BANK1: variants seen among roughly 807,000 people sequenced by gnomAD.
The protein encoded by BANK1 is B cell scaffold protein with ankyrin repeats 1.
BANK1 carries 95 observed loss-of-function variants against 94.5 expected under a neutral mutation model. The observed-to-expected ratio is 1.00, with a 90% CI of 0.85 to 1.19. BANK1 has a LOEUF of 1.19. BANK1 is among the 50% of genes most tolerant of loss of function. The pLI is 0.00. For missense variants in BANK1, 987 were observed against 932.2 expected (o/e 1.06, Z -0.77); for synonymous variants, 334 against 308.4 (o/e 1.08, Z -0.87).
chr4:102,052,181 G>C (rs1283323726), intron 11 of BANK1, among the ~76,000 whole-genome samples: 1 of 139,604 alleles, frequency 7.2e-6, no homozygotes, highest in Admixed American at 7.6e-5. Flanking sequence ...AGAGTGACAC[G>C]ATCTTGGCTC....
At chr4:101,897,148 A>G (rs948600242) in intron 6 of BANK1, among the ~76,000 whole-genome samples, 1 of 151,958 alleles carries the variant, frequency 6.6e-6, no homozygotes, top group Admixed American at 6.6e-5. Flanking sequence ...GTCTTGAGTG[A>G]TTTGATACTA....
At position 102,074,092 on chromosome 4, in the gene BANK1, C is replaced by T. The variant is rs938392455; in HGVS notation, c.*93C>T. On this transcript the variant is annotated 3_prime_UTR_variant, in exon 17 of 17. Transcript: ENST00000322953. Reference sequence around the variant, plus strand: ...TTTGGATTGCCTGCTCTCTTTAAAGCGAATTCATACTATGACAGCAGAAAC... The same window carrying T: ...TTTGGATTGCCTGCTCTCTTTAAAGTGAATTCATACTATGACAGCAGAAAC... 5.6e-6 allele frequency: 1 copy of T among 179,378 alleles called. No homozygotes were observed. Among genetic ancestry groups the T allele is most frequent in the Non-Finnish European group, 1.2e-5 (1 of 86,458 alleles). The allele number at this position is 179,378 out of a possible 1,614,324, so 11.1% of individuals were successfully genotyped here.
At chr4:101,936,475 CACAT>C (rs1723561082) in intron 7 of BANK1, among the ~76,000 whole-genome samples, 1 of 149,966 alleles carries the variant, frequency 6.7e-6, no homozygotes. Flanking sequence ...ATGATATATA[CACAT>C]ACATGTGTAT....
At chr4:101,817,324 T>C (rs1725955985) in intron 1 of BANK1, among the ~76,000 whole-genome samples, 1 of 152,202 alleles carries the variant, frequency 6.6e-6, no homozygotes, top group Non-Finnish European at 1.5e-5. Context: ...GTGGTACATG[T>C]ACACCATGGA....
At chr4:101,955,660 T>C (rs1724312334) in intron 7 of BANK1, among the ~76,000 whole-genome samples, 1 of 152,198 alleles carries the variant, frequency 6.6e-6, no homozygotes, top group Non-Finnish European at 1.5e-5. Context: ...TAATGATTGT[T>C]TCCTTGGTTA....
chr4:101,826,112 GA>G lies in BANK1; in HGVS notation c.71-3695del, dbSNP rs1409506650. 2.0e-5 allele frequency among the ~76,000 whole-genome samples: 3 copies of G among 152,128 alleles called. No individual in the cohort carries two copies. The East Asian group carries it at 5.8e-4, about 29-fold the overall frequency. ...TTCTTCATAGATTACTCTACTGTTA[GA>G]GTACATGATATGTTCTGTTTCCTCT... On this transcript the variant is annotated intron_variant, in intron 1 of 16. Transcript: ENST00000322953.
chr4:101,796,731 ATGTTT>A (rs1293639315), intron 1 of BANK1, among the ~76,000 whole-genome samples: 17 of 152,170 alleles, frequency 1.1e-4, no homozygotes, highest in African/African-American at 3.9e-4. Flanking sequence ...ACGTTTTCCC[ATGTTT>A]TGTTAACAGG....
chr4:101,918,312 G>A, intron 7 of BANK1, 123 bp downstream of exon 7: 1 of 522,540 alleles, frequency 1.9e-6, no homozygotes, highest in Non-Finnish European at 3.1e-6. Context: ...GCACTATTAG[G>A]CACATGAAAA....
chr4:101,880,819 G>A (rs1728649236), intron 5 of BANK1, among the ~76,000 whole-genome samples: 1 of 152,072 alleles, frequency 6.6e-6, no homozygotes, highest in Non-Finnish European at 1.5e-5. Context: ...ACACACAGTG[G>A]GGAAAAGACA....
At chr4:101,856,611 C>T (rs1423343394) in intron 3 of BANK1, among the ~76,000 whole-genome samples, 6 of 152,098 alleles carry the variant, frequency 3.9e-5, no homozygotes, top group South Asian at 2.1e-4. Context: ...CAGTAAAATT[C>T]GAGCACTGTA....
chr4:102,019,803 C>T (rs999988279), intron 7 of BANK1, among the ~76,000 whole-genome samples: 2 of 150,914 alleles, frequency 1.3e-5, no homozygotes, highest in East Asian at 2.0e-4. Flanking sequence ...TTCTACAGAG[C>T]ATTTTATTCT....
At chr4:101,911,016 A>G (rs560365112) in intron 6 of BANK1, among the ~76,000 whole-genome samples, 109 of 152,332 alleles carry the variant, frequency 7.2e-4, no homozygotes, top group Non-Finnish European at 1.1e-3. Context: ...ACTCTGTCAA[A>G]CAGGTCTAAG....
chr4:101,867,667 A>G (rs1379623265), intron 4 of BANK1, among the ~76,000 whole-genome samples: 3 of 152,036 alleles, frequency 2.0e-5, no homozygotes, highest in South Asian at 2.1e-4. Context: ...AAAAATGTAT[A>G]TTTCAAACTC....
At chr4:102,030,785 C>A (rs1727279522) in intron 10 of BANK1, among the ~76,000 whole-genome samples, 2 of 152,130 alleles carry the variant, frequency 1.3e-5, no homozygotes, top group Admixed American at 6.5e-5. Context: ...TTTTTTATGG[C>A]TGCATAGTAT....
In BANK1 at chr4:102,018,850, G is replaced by A. The variant is rs372215235; in HGVS notation, c.1207-2664G>A. Among the ~76,000 whole-genome samples the A allele has an allele frequency of 6.7e-3, 921 of 138,132 alleles. 8 individuals are homozygous for A. The highest frequency in any genetic ancestry group is 0.024 in the African/African-American group (845 of 35,700). 90.6% of individuals were successfully genotyped at this position (138,132 alleles called of 152,430 possible). On this transcript the variant is annotated intron_variant, in intron 7 of 16. Transcript: ENST00000322953. Reference sequence around the variant, plus strand: ...TTTTTTTTTTTTGAGACAGAGTCTCGCTCTGTCGGCCAGGCTGGAGTGCAG... The same window carrying A: ...TTTTTTTTTTTTGAGACAGAGTCTCACTCTGTCGGCCAGGCTGGAGTGCAG...
chr4:101,831,612 T>A (rs1242109994), intron 2 of BANK1, among the ~76,000 whole-genome samples: 1 of 152,116 alleles, frequency 6.6e-6, no homozygotes, highest in East Asian at 1.9e-4. Flanking sequence ...GTAGCTGATA[T>A]TACAGACACG....
At chr4:101,949,155 G>A (rs1379884920) in intron 7 of BANK1, among the ~76,000 whole-genome samples, 1 of 152,004 alleles carries the variant, frequency 6.6e-6, no homozygotes, top group Non-Finnish European at 1.5e-5. Context: ...GGATGACGTG[G>A]CTCTGCTCTA....
chr4:101,855,242 T>C (rs138712822), intron 3 of BANK1, 53 bp downstream of exon 3: 11 of 1,534,714 alleles, frequency 7.2e-6, no homozygotes, highest in Non-Finnish European at 9.7e-6. Flanking sequence ...ATGGTGGTGG[T>C]GGTGGTTGTT....
chr4:101,995,534 AT>A (rs1725849426), intron 7 of BANK1, among the ~76,000 whole-genome samples: 4 of 150,496 alleles, frequency 2.7e-5, no homozygotes, highest in Admixed American at 2.1e-4. Context: ...GACTTCCACA[AT>A]GGTTGAACTA....
Sources: allele counts gnomAD v4.1 joint callset (sites outside exome capture counted in the v4.1 genomes callset), GRCh38; gene constraint gnomAD v4.1.1; transcripts MANE v1.5; gene names NCBI Gene and HGNC (gene_info 2026-07-23, HGNC 2026-07-21).